Variants in VSNL1 observed in about 807,000 individuals in gnomAD.
The protein encoded by VSNL1 is visinin like 1.
VSNL1 carries 6 observed loss-of-function variants against 20.4 expected under a neutral mutation model. The observed-to-expected ratio is 0.29, with a 90% CI of 0.16 to 0.58. The LOEUF (loss-of-function observed/expected upper bound fraction) is 0.58. Among genes scored for constraint, VSNL1 ranks in the 20% least tolerant of loss-of-function variants. The pLI is 0.90. For synonymous variants in VSNL1, 93 were observed against 86.4 expected, an observed-to-expected ratio of 1.08 and a Z score of -0.42; for missense variants, 100 against 234.5, an observed-to-expected ratio of 0.43 and a Z score of 3.75.
chr2:17,552,797 T>A (rs190631020), intron 1 of VSNL1, among the ~76,000 whole-genome samples: 85 of 152,232 alleles, frequency 5.6e-4, no homozygotes, highest in African/African-American at 2.0e-3. Context: ...TACATCCCAG[T>A]TGTTGAAAAG....
In VSNL1 at chr2:17,554,596, T is replaced by G. The variant is rs530234504; in HGVS notation, c.-6+13678T>G. Among the ~76,000 whole-genome samples, 81 of 152,252 alleles carry G rather than the reference T, an allele frequency of 5.3e-4. 2 individuals are homozygous for G. The highest frequency in any genetic ancestry group is 1.8e-3 in the African/African-American group (76 of 41,564). ...TTAACAAAACTCTAACAACCAGAAC[T>G]AAAGAGGGCTGCGATTGACATTCCA... On this transcript the variant is annotated intron_variant, in intron 1 of 3. Coordinates refer to ENST00000295156, the MANE Select transcript of VSNL1 (RefSeq NM_003385.5).
chr2:17,644,025 T>G (rs547553549), intron 2 of VSNL1, among the ~76,000 whole-genome samples: 11 of 152,220 alleles, frequency 7.2e-5, no homozygotes, highest in African/African-American at 2.4e-4. Flanking sequence ...TTGTCGGGTG[T>G]GGGAAGGAAA....
chr2:17,633,943 C>A (rs1346142984), intron 2 of VSNL1, among the ~76,000 whole-genome samples: 3 of 152,144 alleles, frequency 2.0e-5, no homozygotes, highest in Non-Finnish European at 4.4e-5. Flanking sequence ...AAAGCATGGG[C>A]AAAGCATGCA....
intron 2 of VSNL1, among the ~76,000 whole-genome samples, chr2:17,608,331 T>C (rs532970399): frequency 6.6e-6 from 1 of 152,382 alleles, no homozygotes; most frequent in Non-Finnish European, 1.5e-5. Flanking sequence ...GTGACATGTC[T>C]ACCAGGAGCA....
intron 1 of VSNL1, among the ~76,000 whole-genome samples, chr2:17,588,871 A>G (rs1664534994): frequency 6.6e-6 from 1 of 152,340 alleles, no homozygotes; most frequent in South Asian, 2.1e-4. Context: ...AAAATACCAA[A>G]TATCTCAGAC....
At chr2:17,572,053 G>A (rs1353887098) in intron 1 of VSNL1, among the ~76,000 whole-genome samples, 1 of 152,174 alleles carries the variant, frequency 6.6e-6, no homozygotes, top group African/African-American at 2.4e-5. Flanking sequence ...AGCTGGAGAG[G>A]TAGAAAGAAC....
intron 2 of VSNL1, among the ~76,000 whole-genome samples, chr2:17,637,432 C>G (rs1665780075): frequency 1.3e-5 from 2 of 152,222 alleles, no homozygotes; most frequent in South Asian, 4.1e-4. Flanking sequence ...CCCTGGACAT[C>G]TGCCCAGGCT....
chr2:17,588,069 A>T (rs1664519692), intron 1 of VSNL1, among the ~76,000 whole-genome samples: 2 of 152,326 alleles, frequency 1.3e-5, no homozygotes, highest in South Asian at 4.1e-4. Flanking sequence ...TCTCTGTATG[A>T]CAACACAAGC....
At chr2:17,614,193 G>A (rs750057103) in intron 2 of VSNL1, among the ~76,000 whole-genome samples, 2 of 152,202 alleles carry the variant, frequency 1.3e-5, no homozygotes, top group South Asian at 4.1e-4. Flanking sequence ...TGTAAGACTC[G>A]GGGGCCCCTC....
intron 2 of VSNL1, among the ~76,000 whole-genome samples, chr2:17,637,491 A>C (rs965658046): frequency 1.2e-4 from 18 of 151,994 alleles, no homozygotes; most frequent in African/African-American, 3.1e-4. Flanking sequence ...TGCCCCCACA[A>C]CACCACAAAA....
intron 1 of VSNL1, among the ~76,000 whole-genome samples, chr2:17,557,399 T>C (rs77705465): frequency 0.069 from 10,438 of 152,256 alleles, 462 homozygotes; most frequent in Middle Eastern, 0.14. Flanking sequence ...CCATAATCCC[T>C]GCCTTCATGG....
chr2:17,647,524 A>C (rs375233580), intron 2 of VSNL1, among the ~76,000 whole-genome samples: 1 of 152,182 alleles, frequency 6.6e-6, no homozygotes, highest in Admixed American at 6.5e-5. Flanking sequence ...AAACTTGCCT[A>C]TTTAGAAGTT....
chr2:17,621,195 AAC>A (rs1405313772), intron 2 of VSNL1, among the ~76,000 whole-genome samples: 3 of 152,078 alleles, frequency 2.0e-5, no homozygotes, highest in South Asian at 4.2e-4. Context: ...TCTAAAAATC[AAC>A]AGTTTCTTCC....
intron 2 of VSNL1, among the ~76,000 whole-genome samples, chr2:17,596,279 C>T (rs2103380452): frequency 6.6e-6 from 1 of 152,326 alleles, no homozygotes; most frequent in Admixed American, 6.5e-5. Flanking sequence ...TCATCATCCC[C>T]ACCACAGCAC....
intron 2 of VSNL1, among the ~76,000 whole-genome samples, chr2:17,618,222 C>T (rs1665265542): frequency 6.6e-6 from 1 of 152,178 alleles, no homozygotes. Context: ...AATGTATTAT[C>T]TTACACTTTT....
intron 1 of VSNL1, among the ~76,000 whole-genome samples, chr2:17,565,670 G>C (rs756393511): frequency 1.3e-5 from 2 of 152,180 alleles, no homozygotes; most frequent in Non-Finnish European, 2.9e-5. Flanking sequence ...AACTGTGTTA[G>C]GATAACTGAA....
chr2:17,631,073 C>T (rs187034074), intron 2 of VSNL1, among the ~76,000 whole-genome samples: 4 of 152,118 alleles, frequency 2.6e-5, no homozygotes, highest in Admixed American at 6.5e-5. Flanking sequence ...AGCCACTGTG[C>T]GCAGCCCAAA....
At chr2:17,608,407 C>A (rs1490923693) in intron 2 of VSNL1, among the ~76,000 whole-genome samples, 1 of 152,242 alleles carries the variant, frequency 6.6e-6, no homozygotes, top group Non-Finnish European at 1.5e-5. Context: ...CCAGTCAAAT[C>A]TCTTGCAGAC....
At chr2:17,647,272 A>C (rs2103427917) in intron 2 of VSNL1, among the ~76,000 whole-genome samples, 1 of 152,190 alleles carries the variant, frequency 6.6e-6, no homozygotes, top group African/African-American at 2.4e-5. Flanking sequence ...AGTGCCAGAA[A>C]CCTACACGAA....
Sources: gnomAD v4.1 joint callset for allele counts (sites outside exome capture counted in the v4.1 genomes callset) on GRCh38, gnomAD v4.1.1 for gene constraint, MANE v1.5 for transcripts, NCBI Gene and HGNC (gene_info 2026-07-23, HGNC 2026-07-21) for gene names.